The following DDC variants were observed in gnomAD, a reference collection of about 807,000 sequenced individuals.
DDC encodes aromatic-L-amino-acid decarboxylase.
In DDC, 43 loss-of-function variants were observed where a neutral mutation model predicts 60.0. The observed-to-expected ratio is 0.72, with a 90% CI of 0.56 to 0.92. The LOEUF is 0.92. DDC is among the 40% of genes least tolerant of loss of function. DDC has a pLI of 0.00. For missense variants in DDC, 573 were observed against 620.2 expected (o/e 0.92, Z 0.81); for synonymous variants, 232 against 234.6 (o/e 0.99, Z 0.10).
intron 13 of DDC, among the ~76,000 whole-genome samples, chr7:50,464,036 C>T (rs1280421583): frequency 1.3e-5 from 2 of 152,004 alleles, no homozygotes; most frequent in Admixed American, 6.6e-5. Context: ...CCTGCCTGGG[C>T]CCTGCTTCCA....
At chr7:50,462,404 G>A (rs1001365620) in intron 14 of DDC, among the ~76,000 whole-genome samples, 1 of 152,106 alleles carries the variant, frequency 6.6e-6, no homozygotes, top group Non-Finnish European at 1.5e-5. Context: ...TGTGTGCTTT[G>A]TTTTTACAAA....
intron 12 of DDC, among the ~76,000 whole-genome samples, chr7:50,469,251 ATT>A (rs72251822): frequency 1.5e-5 from 1 of 68,778 alleles, no homozygotes; most frequent in South Asian, 4.0e-4. Context: ...GCCAATTGTT[ATT>A]TTAAAAAAAA....
At chr7:50,499,326 C>T (rs2043197658) in intron 7 of DDC, 84 bp from the exon 8 acceptor site, 1 of 878,140 alleles carries the variant, frequency 1.1e-6, no homozygotes, top group Admixed American at 2.0e-5. Context: ...GTCTGAGCAC[C>T]TTCTTGGGTA....
At position 50,499,166 on chromosome 7, in the gene DDC, G is replaced by A. The variant is rs1442061378; in HGVS notation, c.858C>T (p.His286=). 6.2e-7 allele frequency: 1 copy of A among 1,613,842 alleles called. No individual in the cohort carries two copies. Among genetic ancestry groups the A allele is most frequent in the Admixed American group, 1.7e-5 (1 of 60,026 alleles). The change falls in exon 8 of 15, where the codon CAC becomes CAT. Residue 286 remains histidine, a synonymous_variant. Coordinates refer to ENST00000444124, the MANE Select transcript of DDC (RefSeq NM_001082971.2). The part of the protein sequence containing the change: ...GSAFICPEFR[H]LLNGVEFADS... ...CACCTACCTCCACTCCATTCAGAAG[G>A]TGCCGGAACTCAGGGCAGATGAATG...
chr7:50,497,986 C>G (rs764414696), intron 8 of DDC, among the ~76,000 whole-genome samples: 5 of 152,070 alleles, frequency 3.3e-5, no homozygotes, highest in Non-Finnish European at 7.4e-5. Flanking sequence ...ATTAGCAAAC[C>G]TGACATGCAA....
At chr7:50,549,378 C>T (rs1354210783) in intron 1 of DDC, among the ~76,000 whole-genome samples, 1 of 152,114 alleles carries the variant, frequency 6.6e-6, no homozygotes, top group Non-Finnish European at 1.5e-5. Flanking sequence ...GTGGGCCGGG[C>T]GCAGTGGCTC....
intron 2 of DDC, 195 bp from the exon 3 acceptor site, chr7:50,540,223 G>A (rs988721349): frequency 4.9e-6 from 3 of 614,650 alleles, no homozygotes; most frequent in Admixed American, 4.3e-5. Flanking sequence ...TCACCTTACT[G>A]TCCCCACTCC....
chr7:50,479,653 G>A, intron 10 of DDC, 134 bp downstream of exon 10: 1 of 849,502 alleles, frequency 1.2e-6, no homozygotes. Flanking sequence ...ATCCAGGAAT[G>A]CACAGCACCC....
chr7:50,530,300 A>G (rs1380673394), intron 4 of DDC, among the ~76,000 whole-genome samples: 7 of 152,164 alleles, frequency 4.6e-5, no homozygotes, highest in South Asian at 4.2e-4. Context: ...GCCCCCAGAC[A>G]TGTGGGTGCA....
rs1196772104 is a variant in DDC, at chr7:50,459,929, T to TG, written c.*19-1087dup. The stretch of plus-strand genomic sequence containing the variant: ...CCAGCCGCCCCATCCAGGAGGGAGG[T>TG]GGGGGGGTCAGCCCCCTGCCCGGCC... On this transcript the variant is annotated intron_variant, in intron 14 of 14. Transcript: ENST00000444124. 1.0e-4 allele frequency among the ~76,000 whole-genome samples: 12 copies of TG among 115,172 alleles called. No individual in the cohort carries two copies. In the East Asian group the frequency reaches 1.1e-3, roughly 11 times the overall value. The allele number at this position is 115,172 out of a possible 152,430, so 75.6% of individuals were successfully genotyped here.
intron 1 of DDC, among the ~76,000 whole-genome samples, chr7:50,556,914 G>T (rs185939933): frequency 2.0e-5 from 3 of 152,194 alleles, no homozygotes; most frequent in Non-Finnish European, 4.4e-5. Context: ...TGAGCCCATA[G>T]CTCTGCGGCA....
chr7:50,515,013 T>A, intron 6 of DDC, among the ~76,000 whole-genome samples: 1 of 152,188 alleles, frequency 6.6e-6, no homozygotes, highest in South Asian at 2.1e-4. Flanking sequence ...TGAGGAAAAT[T>A]TCCCCGACCT....
intron 1 of DDC, among the ~76,000 whole-genome samples, chr7:50,564,944 C>T (rs1413489363): frequency 6.6e-6 from 1 of 152,166 alleles, no homozygotes; most frequent in Non-Finnish European, 1.5e-5. Flanking sequence ...GAAACAGAGG[C>T]TGGGGGAATA....
At chr7:50,528,714 C>T (rs1205331645) in intron 5 of DDC, among the ~76,000 whole-genome samples, 1 of 152,114 alleles carries the variant, frequency 6.6e-6, no homozygotes, top group East Asian at 1.9e-4. Context: ...AGGAAAGAAA[C>T]CAGCCAGGAG....
At chr7:50,560,092 C>G (rs1005137549) in intron 1 of DDC, among the ~76,000 whole-genome samples, 1 of 152,178 alleles carries the variant, frequency 6.6e-6, no homozygotes, top group Non-Finnish European at 1.5e-5. Context: ...TGCCTGTGTT[C>G]TAGTCTGGGG....
intron 11 of DDC, among the ~76,000 whole-genome samples, chr7:50,470,509 C>T (rs565299740): frequency 2.3e-4 from 35 of 152,342 alleles, no homozygotes; most frequent in Middle Eastern, 3.4e-3. Flanking sequence ...AGGGAAGACA[C>T]GGCCCTGCCC....
intron 6 of DDC, among the ~76,000 whole-genome samples, chr7:50,527,159 G>T (rs1361085408): frequency 2.0e-5 from 3 of 152,170 alleles, no homozygotes; most frequent in Admixed American, 1.3e-4. Flanking sequence ...CCACTGGAAT[G>T]TTGCCTTTTT....
intron 10 of DDC, chr7:50,477,583 T>G: frequency 2.2e-6 from 1 of 455,782 alleles, no homozygotes; most frequent in South Asian, 1.6e-5. Context: ...GTGCCTACAT[T>G]GTATTTACAA....
At chr7:50,535,188 CT>C (rs904991604) in intron 4 of DDC, among the ~76,000 whole-genome samples, 2 of 151,650 alleles carry the variant, frequency 1.3e-5, no homozygotes, top group African/African-American at 2.4e-5. Flanking sequence ...TGGAGTTTCC[CT>C]CTCGTCAACC....
Sources: gnomAD v4.1 joint callset for allele counts (sites outside exome capture counted in the v4.1 genomes callset) on GRCh38, gnomAD v4.1.1 for gene constraint, MANE v1.5 for transcripts, NCBI Gene and HGNC (gene_info 2026-07-23, HGNC 2026-07-21) for gene names.